The following FBXL20 variants were observed in gnomAD, a reference collection of about 807,000 sequenced individuals.
The protein encoded by FBXL20 is F-box and leucine rich repeat protein 20.
FBXL20 carries 11 observed loss-of-function variants against 64.0 expected under a neutral mutation model. The observed-to-expected ratio is 0.17, with a 90% confidence interval of 0.11 to 0.28. The LOEUF (loss-of-function observed/expected upper bound fraction) is 0.28, where lower values mean the gene tolerates loss of function less well. Among genes scored for constraint, FBXL20 ranks in the 10% least tolerant of loss-of-function variants. The pLI is 1.00. For synonymous variants in FBXL20, 184 were observed against 189.0 expected (o/e 0.97, Z 0.22); for missense variants, 303 against 526.2 (o/e 0.58, Z 4.15).
At chr17:39,315,997 T>G (rs1368244275) in intron 2 of FBXL20, among the ~76,000 whole-genome samples, 1 of 152,084 alleles carries the variant, frequency 6.6e-6, no homozygotes, top group Non-Finnish European at 1.5e-5. Context: ...CCAAGGTGGA[T>G]CACTTGAACC....
At chr17:39,321,596 G>A (rs1044827902) in intron 2 of FBXL20, among the ~76,000 whole-genome samples, 1 of 151,334 alleles carries the variant, frequency 6.6e-6, no homozygotes, top group Non-Finnish European at 1.5e-5. Context: ...TGGCCAACAT[G>A]GTAAAACCTC....
intron 2 of FBXL20, among the ~76,000 whole-genome samples, chr17:39,307,885 C>T (rs1282149193): frequency 1.3e-5 from 2 of 150,748 alleles, no homozygotes; most frequent in African/African-American, 4.9e-5. Flanking sequence ...GCAGGAGAAT[C>T]GCTACAACTT....
chr17:39,371,859 C>T (rs1013583979), intron 1 of FBXL20, among the ~76,000 whole-genome samples: 3 of 152,100 alleles, frequency 2.0e-5, no homozygotes, highest in Non-Finnish European at 4.4e-5. Context: ...CTGACGGTAG[C>T]TGTCCAACTA....
At position 39,281,377 on chromosome 17, in the gene FBXL20, A is replaced by C. The variant is rs769250229; in HGVS notation, c.696+12T>G. The C allele has an allele frequency of 1.2e-6, 2 of 1,612,778 alleles. No individual in the cohort carries two copies. The highest frequency in any genetic ancestry group is 2.2e-5 in the South Asian group (2 of 90,918). On this transcript the variant is annotated intron_variant, in intron 9 of 14. Coordinates refer to ENST00000264658, the MANE Select transcript of FBXL20 (RefSeq NM_032875.3). ...TTACTAAAACAGAAGAGTTGTGAGA[A>C]GGGATGTTTACCAAGCAAGTCTGCA...
intron 2 of FBXL20, among the ~76,000 whole-genome samples, chr17:39,323,909 GCACCTGCCACCA>G (rs2047382131): frequency 6.6e-6 from 1 of 151,328 alleles, no homozygotes; most frequent in African/African-American, 2.5e-5. Context: ...GGGATTACAG[GCACCTGCCACCA>G]CGCCTGGCTA....
At chr17:39,377,703 C>T (rs556001620) in intron 1 of FBXL20, among the ~76,000 whole-genome samples, 9 of 152,028 alleles carry the variant, frequency 5.9e-5, no homozygotes, top group Non-Finnish European at 1.3e-4. Flanking sequence ...GGGGTTTCAC[C>T]GTGTTAGCCA....
chr17:39,315,396 T>C (rs1371931380), intron 2 of FBXL20, among the ~76,000 whole-genome samples: 1 of 146,652 alleles, frequency 6.8e-6, no homozygotes, highest in East Asian at 2.0e-4. Context: ...AAATAATTTA[T>C]ATATATATAT....
intron 6 of FBXL20, among the ~76,000 whole-genome samples, chr17:39,288,058 G>A (rs1414545303): frequency 6.7e-6 from 1 of 149,316 alleles, no homozygotes; most frequent in Non-Finnish European, 1.5e-5. Flanking sequence ...CTGCCTCCCA[G>A]GTTCAAGTGA....
intron 1 of FBXL20, among the ~76,000 whole-genome samples, chr17:39,385,926 A>C (rs570635049): frequency 1.1e-4 from 16 of 148,260 alleles, no homozygotes; most frequent in African/African-American, 3.5e-4. Context: ...GCTACTCAGG[A>C]GGCTGAGGCA....
At chr17:39,395,260 A>C (rs2048171769) in intron 1 of FBXL20, among the ~76,000 whole-genome samples, 1 of 152,134 alleles carries the variant, frequency 6.6e-6, no homozygotes, top group South Asian at 2.1e-4. Context: ...CCCCATCTCT[A>C]CTAAAAACAC....
At chr17:39,400,770 C>T (rs900421729) in intron 1 of FBXL20, among the ~76,000 whole-genome samples, 1 of 152,106 alleles carries the variant, frequency 6.6e-6, no homozygotes. Context: ...TCCAAGGGTT[C>T]CCAAGGAACA....
intron 2 of FBXL20, among the ~76,000 whole-genome samples, chr17:39,317,853 C>A (rs1345137634): frequency 1.3e-5 from 2 of 151,798 alleles, no homozygotes; most frequent in Non-Finnish European, 2.9e-5. Context: ...AGGTGCACGC[C>A]ACCACGCCCA....
Position 39,308,157 on chromosome 17 carries a change from T to C in FBXL20, c.105-4518A>G, listed in dbSNP as rs557076192. On this transcript the variant is annotated intron_variant, in intron 2 of 14. Transcript: ENST00000264658. ...AAAGTTTGATCTTTTTTTTTTTTTT[T>C]CCTAAAGACAGGGTTTTGCCATGTT... Among the ~76,000 whole-genome samples, 1,336 of 151,238 alleles carry C rather than the reference T, an allele frequency of 8.8e-3. 20 individuals carry two copies. Among genetic ancestry groups the C allele is most frequent in the African/African-American group, 0.03 (1,245 of 41,066 alleles).
chr17:39,401,147 TG>T (rs2048238240), intron 1 of FBXL20, among the ~76,000 whole-genome samples: 2 of 151,608 alleles, frequency 1.3e-5, no homozygotes, highest in South Asian at 4.2e-4. Flanking sequence ...GGCCCGCTGG[TG>T]GGAAGAGACG....
chr17:39,265,334 A>G, intron 13 of FBXL20, 63 bp downstream of exon 13: 1 of 1,317,186 alleles, frequency 7.6e-7, no homozygotes, highest in Non-Finnish European at 1.1e-6. Flanking sequence ...TGGGTTCTTG[A>G]ACTGTAGCAC....
chr17:39,283,477 C>T lies in FBXL20; in HGVS notation c.495-622G>A, dbSNP rs1208564208. Among the ~76,000 whole-genome samples the T allele has an allele frequency of 7.9e-5, 12 of 151,872 alleles. No individual in the cohort carries two copies. In the East Asian group the frequency reaches 2.3e-3, roughly 29 times the overall value. On this transcript the variant is annotated intron_variant, in intron 7 of 14. Coordinates refer to ENST00000264658, the MANE Select transcript of FBXL20 (RefSeq NM_032875.3). ...TTGAGACAGGGTCTCGTTCTGTCAC[C>T]CAGGCTGGAGTGCAGTGGCGCCATC... is the stretch of plus-strand genomic sequence containing the variant.
At chr17:39,343,587 C>T (rs996162194) in intron 1 of FBXL20, among the ~76,000 whole-genome samples, 3 of 152,112 alleles carry the variant, frequency 2.0e-5, no homozygotes, top group Non-Finnish European at 2.9e-5. Context: ...TGCTCAGAGT[C>T]CGGGCGCAGC....
Position 39,264,235 on chromosome 17 carries a change from A to G in FBXL20, c.1143T>C (p.Leu381=), listed in dbSNP as rs2046772509. Residue 381 remains leucine, a synonymous_variant, in exon 14 of 15, where the codon CTT becomes CTC. Coordinates refer to ENST00000264658, the MANE Select transcript of FBXL20 (RefSeq NM_032875.3). ...GGCAGTCATAGAGTTCTATCCGCTCAAGGCTATGACAGCTCTTCAAGTGCT... is the reference window on the plus strand; with the variant it reads ...GGCAGTCATAGAGTTCTATCCGCTCGAGGCTATGACAGCTCTTCAAGTGCT... ...SLEHLKSCHS[L]ERIELYDCQQ... 2 of 1,614,116 alleles carry G rather than the reference A, an allele frequency of 1.2e-6. No individual in the cohort carries two copies. Among genetic ancestry groups the G allele is most frequent in the African/African-American group, 1.3e-5 (1 of 74,950 alleles).
At chr17:39,321,418 A>G (rs1269379522) in intron 2 of FBXL20, among the ~76,000 whole-genome samples, 5 of 149,228 alleles carry the variant, frequency 3.4e-5, no homozygotes, top group African/African-American at 1.2e-4. Flanking sequence ...GTGAGCCAAG[A>G]TTGCACCATT....
Sources: gnomAD v4.1 joint callset for allele counts (sites outside exome capture counted in the v4.1 genomes callset) on GRCh38, gnomAD v4.1.1 for gene constraint, MANE v1.5 for transcripts, NCBI Gene and HGNC (gene_info 2026-07-23, HGNC 2026-07-21) for gene names.